MYOCD: variants seen among roughly 807,000 people sequenced by gnomAD.
MYOCD encodes the protein myocardin.
Under a neutral mutation model 96.1 loss-of-function variants are expected in MYOCD, and 32 were observed. The observed-to-expected ratio is 0.33, with a 90% confidence interval of 0.25 to 0.45. MYOCD has a LOEUF of 0.45. Ranked by LOEUF, MYOCD falls within the 20% of genes least tolerant of loss-of-function variation. The pLI, the probability that MYOCD is intolerant of heterozygous loss-of-function variation, is 1.00. For missense variants in MYOCD, 1,133 were observed against 1,200.6 expected (o/e 0.94, Z 0.83); for synonymous variants, 469 against 469.0 (o/e 1.00, Z 0.00).
chr17:12,712,209 G>A (rs550072953), intron 2 of MYOCD, among the ~76,000 whole-genome samples: 7 of 152,204 alleles, frequency 4.6e-5, no homozygotes, highest in African/African-American at 1.2e-4. Flanking sequence ...ATGCTGGTCC[G>A]GAAGCTGCAC....
At chr17:12,696,415 A>G (rs1304170730) in intron 1 of MYOCD, among the ~76,000 whole-genome samples, 4 of 152,110 alleles carry the variant, frequency 2.6e-5, no homozygotes, top group East Asian at 3.9e-4. Context: ...CCTGCCTTCA[A>G]TTCTTTTGAG....
At chr17:12,669,869 A>G (rs1489143644) in intron 1 of MYOCD, among the ~76,000 whole-genome samples, 1 of 151,960 alleles carries the variant, frequency 6.6e-6, no homozygotes, top group Non-Finnish European at 1.5e-5. Flanking sequence ...GTGGTTTTTG[A>G]TCAACACTTT....
At chr17:12,719,713 A>AAG (rs2031768813) in intron 4 of MYOCD, among the ~76,000 whole-genome samples, 1 of 149,806 alleles carries the variant, frequency 6.7e-6, no homozygotes, top group East Asian at 2.0e-4. Context: ...AAAAAAAAAA[A>AAG]AAAATTAGCC....
Position 12,725,923 on chromosome 17 carries a change from A to G in MYOCD, c.415+2915A>G, listed in dbSNP as rs549423847. ...TTTTAAAGCATATCAAAAGATGATG[A>G]GGTGGCTTTTCTTCTTTGACCAAGT... On this transcript the variant is annotated intron_variant, in intron 5 of 13. Transcript: ENST00000425538. Among the ~76,000 whole-genome samples the G allele has an allele frequency of 3.3e-5, 5 of 152,268 alleles. No individual in the cohort carries two copies. In the South Asian group the frequency reaches 1.0e-3, roughly 32 times the overall value.
At chr17:12,695,041 A>G (rs2150661610) in intron 1 of MYOCD, among the ~76,000 whole-genome samples, 1 of 152,164 alleles carries the variant, frequency 6.6e-6, no homozygotes, top group East Asian at 1.9e-4. Context: ...TCCCACACAA[A>G]CATATAGGAA....
intron 5 of MYOCD, among the ~76,000 whole-genome samples, chr17:12,732,787 C>T (rs538560829): frequency 2.0e-5 from 3 of 152,274 alleles, no homozygotes; most frequent in South Asian, 2.1e-4. Context: ...TCACCAAATG[C>T]CAGGTGTCAG....
At chr17:12,685,147 A>G (rs989141321) in intron 1 of MYOCD, among the ~76,000 whole-genome samples, 2 of 151,320 alleles carry the variant, frequency 1.3e-5, no homozygotes, top group Non-Finnish European at 2.9e-5. Context: ...AGTAGAAAAA[A>G]TATTAGCCAG....
chr17:12,752,751 C>T lies in MYOCD; in HGVS notation c.1463C>T (p.Pro488Leu). Residue 488 changes from proline (P) to leucine (L), a missense_variant, in exon 10 of 14, where the codon CCA (proline) becomes CTA (leucine). Physicochemically the swap from Pro to Leu is moderately conservative, Grantham distance 98. Transcript: ENST00000425538. ...CCCTCCTTCGGCCTGCACCCGTCCC[C>T]AGTCCACGTGTGCACGGAGGAAAGT... ...ASPSFGLHPS[P>L]VHVCTEESLM... 6.2e-7 allele frequency: 1 copy of T among 1,614,178 alleles called. No individual in the cohort carries two copies. Among genetic ancestry groups the T allele is most frequent in the Non-Finnish European group, 8.5e-7 (1 of 1,180,042 alleles).
At chr17:12,720,789 G>A (rs937574383) in intron 4 of MYOCD, among the ~76,000 whole-genome samples, 1 of 152,000 alleles carries the variant, frequency 6.6e-6, no homozygotes, top group African/African-American at 2.4e-5. Flanking sequence ...TTGGGAGGCC[G>A]AGGCGGGCGG....
chr17:12,694,881 C>CAAAAAA (rs201215491), intron 1 of MYOCD, among the ~76,000 whole-genome samples: 18 of 69,602 alleles, frequency 2.6e-4, no homozygotes, highest in East Asian at 4.4e-4. Context: ...AAGGAATAAC[C>CAAAAAA]AAAAAAAAAA....
intron 1 of MYOCD, among the ~76,000 whole-genome samples, chr17:12,684,397 TC>T (rs1458121280): frequency 6.6e-6 from 1 of 152,192 alleles, no homozygotes; most frequent in Non-Finnish European, 1.5e-5. Flanking sequence ...GCCCTCTTTT[TC>T]TGAATTCCTA....
At chr17:12,687,190 T>C (rs3967152) in intron 1 of MYOCD, among the ~76,000 whole-genome samples, 1,952 of 152,308 alleles carry the variant, frequency 0.013, 89 homozygotes, top group East Asian at 0.091. Context: ...GTAAGATTTT[T>C]AGCTAAAAAA....
chr17:12,699,757 G>T (rs1443762853), intron 1 of MYOCD, among the ~76,000 whole-genome samples: 1 of 152,124 alleles, frequency 6.6e-6, no homozygotes, highest in Non-Finnish European at 1.5e-5. Context: ...GGAATCTAAA[G>T]TGTGCTACGG....
chr17:12,717,504 G>C, intron 4 of MYOCD, 83 bp downstream of exon 4: 1 of 1,114,636 alleles, frequency 9.0e-7, no homozygotes, highest in Non-Finnish European at 1.3e-6. Context: ...CTGTACAGTT[G>C]CTAAGCCCTC....
chr17:12,753,376 A>G (rs1597810038), intron 10 of MYOCD, 30 bp downstream of exon 10: 4 of 1,513,608 alleles, frequency 2.6e-6, no homozygotes, highest in Non-Finnish European at 3.5e-6. Context: ...TGCCTGGTGC[A>G]CACTTCTTTC....
chr17:12,675,531 A>G (rs1597722604), intron 1 of MYOCD, among the ~76,000 whole-genome samples: 1 of 152,362 alleles, frequency 6.6e-6, no homozygotes, highest in East Asian at 1.9e-4. Flanking sequence ...TCAGGTTATA[A>G]AACAATCCGG....
chr17:12,763,561 C>A lies in MYOCD; in HGVS notation c.2878C>A (p.Pro960Thr). ...CTTTAGCGCCCTCACCACCAGCAGC[C>A]CCAGCATCTTCAACATCGATTTCCT... ...PGFSALTTSS[P>T]SIFNIDFLDV... The change falls in exon 14 of 14, where the codon CCC becomes ACC. Residue 960 changes from proline to threonine, a missense_variant. By Grantham distance (38) the Pro-to-Thr change is conservative. Coordinates refer to ENST00000425538, the MANE Select transcript of MYOCD (RefSeq NM_001146312.3). The A allele has an allele frequency of 1.9e-6, 3 of 1,614,152 alleles. No individual in the cohort carries two copies. The highest frequency in any genetic ancestry group is 2.5e-6 in the Non-Finnish European group (3 of 1,180,028).
At chr17:12,743,279 C>T (rs1310265660) in intron 7 of MYOCD, among the ~76,000 whole-genome samples, 1 of 152,028 alleles carries the variant, frequency 6.6e-6, no homozygotes, top group Non-Finnish European at 1.5e-5. Context: ...GTGTTACTTC[C>T]TGATCTTTCA....
In MYOCD at chr17:12,744,423, C is replaced by G. The variant is rs1042299236; in HGVS notation, c.958C>G (p.Gln320Glu). Residue 320 changes from glutamine to glutamate, a missense_variant, in exon 8 of 14, where the codon CAA becomes GAA. Coordinates refer to ENST00000425538, the MANE Select transcript of MYOCD (RefSeq NM_001146312.3). ...CCGATTCAGCTACCTAGGGATGCAC[C>G]AAGCTCAGCTTAAGTAAGTCCGGCA... ...QHRFSYLGMH[Q>E]AQLKEPNEQM... 6.2e-6 allele frequency: 10 copies of G among 1,611,124 alleles called. No homozygotes were observed. The highest frequency in any genetic ancestry group is 5.3e-5 in the African/African-American group (4 of 74,812).
Sources: allele counts gnomAD v4.1 joint callset (sites outside exome capture counted in the v4.1 genomes callset), GRCh38; gene constraint gnomAD v4.1.1; transcripts MANE v1.5; gene names NCBI Gene and HGNC (gene_info 2026-07-23, HGNC 2026-07-21).